The following TMEM168 variants were observed in gnomAD, a reference collection of about 807,000 sequenced individuals.
The protein encoded by TMEM168 is transmembrane protein 168.
A neutral mutation model predicts 53.2 loss-of-function variants in TMEM168; 40 were observed. The observed-to-expected ratio is 0.75, with a 90% CI of 0.58 to 0.98. The LOEUF is 0.98. Among genes scored for constraint, TMEM168 ranks in the 50% least tolerant of loss-of-function variants. The probability of loss-of-function intolerance (pLI) is 0.00; values close to 1 mark genes in which losing one functional copy is unlikely to be tolerated. For synonymous variants in TMEM168, 282 were observed against 293.0 expected, an observed-to-expected ratio of 0.96 and a Z score of 0.38; for missense variants, 771 against 828.8, an observed-to-expected ratio of 0.93 and a Z score of 0.86.
intron 1 of TMEM168, chr7:112,788,418 T>G (rs1432268613): frequency 6.6e-6 from 1 of 152,160 alleles, no homozygotes; most frequent in African/African-American, 2.4e-5. Flanking sequence ...ATTAGTGAAG[T>G]ACAGTGCATC....
At chr7:112,775,112 A>G in intron 3 of TMEM168, 64 bp downstream of exon 3, 1 of 1,344,682 alleles carries the variant, frequency 7.4e-7, no homozygotes, top group Non-Finnish European at 9.9e-7. Flanking sequence ...TATTTTATTC[A>G]TATAAATATT....
intron 2 of TMEM168, among the ~76,000 whole-genome samples, chr7:112,779,998 A>C (rs1422545247): frequency 6.6e-6 from 1 of 152,236 alleles, no homozygotes; most frequent in Middle Eastern, 3.2e-3. Flanking sequence ...TGAGAAATCC[A>C]GCTTTAAGAA....
Position 112,783,863 on chromosome 7 carries a change from G to GGTAT in TMEM168, c.959_962dup (p.Lys322TyrfsTer5). On this transcript the variant is annotated frameshift_variant, in exon 2 of 5. Transcript: ENST00000312814. LOFTEE classifies it high-confidence loss of function. Reference sequence around the variant, plus strand: ...ATACTTTATGGCAGTCATTTAATTTGGTATGGAATCCCCAAAGAGTTAAAA... The same window carrying GGTAT: ...ATACTTTATGGCAGTCATTTAATTTGGTATGTATGGAATCCCCAAAGAGTTAAAA... The GGTAT allele has an allele frequency of 6.2e-7, 1 of 1,603,550 alleles. No homozygotes were observed. The highest frequency in any genetic ancestry group is 8.5e-7 in the Non-Finnish European group (1 of 1,176,904).
chr7:112,779,806 C>T (rs1438660416), intron 2 of TMEM168, among the ~76,000 whole-genome samples: 8 of 152,166 alleles, frequency 5.3e-5, no homozygotes, highest in Admixed American at 5.2e-4. Context: ...TTTCTTTATG[C>T]AATGTCATTT....
intron 4 of TMEM168, among the ~76,000 whole-genome samples, chr7:112,770,104 T>G (rs528590462): frequency 4.9e-4 from 75 of 152,348 alleles, no homozygotes; most frequent in African/African-American, 1.8e-3. Context: ...CTTTGTCACT[T>G]AATTTGGAAT....
intron 2 of TMEM168, chr7:112,778,658 GTCAA>G (rs778669685): frequency 2.6e-5 from 4 of 152,110 alleles, no homozygotes; most frequent in South Asian, 2.1e-4. Context: ...AAGTTCAATT[GTCAA>G]TCAATTTGTA....
At chr7:112,787,603 C>T (rs892617690) in intron 1 of TMEM168, among the ~76,000 whole-genome samples, 8 of 150,872 alleles carry the variant, frequency 5.3e-5, no homozygotes, top group Admixed American at 2.0e-4. Context: ...TTAGTAGAGA[C>T]GGGGTTTCAC....
At chr7:112,779,045 C>T (rs537598178) in intron 2 of TMEM168, among the ~76,000 whole-genome samples, 1 of 152,058 alleles carries the variant, frequency 6.6e-6, no homozygotes, top group East Asian at 1.9e-4. Flanking sequence ...ACATGCACCA[C>T]CATGCCTGGC....
chr7:112,769,200 A>C (rs1038150524), intron 4 of TMEM168, among the ~76,000 whole-genome samples: 4 of 152,166 alleles, frequency 2.6e-5, no homozygotes, highest in African/African-American at 9.7e-5. Flanking sequence ...TGTTTTATTA[A>C]TCAGTAAGCT....
At chr7:112,782,228 G>A (rs1430787688) in intron 2 of TMEM168, among the ~76,000 whole-genome samples, 1 of 152,168 alleles carries the variant, frequency 6.6e-6, no homozygotes, top group African/African-American at 2.4e-5. Context: ...AGAATGGAAG[G>A]TGAGAATCAG....
chr7:112,784,929 T>G lies in TMEM168; in HGVS notation c.-104A>C. The G allele has an allele frequency of 4.8e-6, 5 of 1,050,138 alleles. No individual in the cohort carries two copies. The highest frequency in any genetic ancestry group is 2.8e-5 in the East Asian group (1 of 35,384). The allele number at this position is 1,050,138 out of a possible 1,614,324, so 65.1% of individuals were successfully genotyped here. A position where few individuals can be genotyped will look rare whatever the true frequency, so the allele number is the denominator to read the frequency against. ...GCAACTCCTATTTCAACATTTTCTC[T>G]TGTGGAAATTTTGTTTATAGTGATC... On this transcript the variant is annotated 5_prime_UTR_variant, in exon 2 of 5. Transcript: ENST00000312814.
intron 2 of TMEM168, among the ~76,000 whole-genome samples, chr7:112,775,839 T>C (rs2116257933): frequency 6.6e-6 from 1 of 152,242 alleles, no homozygotes; most frequent in African/African-American, 2.4e-5. Flanking sequence ...GTTTATATGG[T>C]ATAGTTTACC....
At position 112,767,357 on chromosome 7, in the gene TMEM168, C is replaced by G; in HGVS notation, c.1934G>C (p.Arg645Pro). 1 of 1,614,156 alleles carries G rather than the reference C, an allele frequency of 6.2e-7. No homozygotes were observed. The highest frequency in any genetic ancestry group is 1.1e-5 in the South Asian group (1 of 91,078). ...CAAATGCACTAGGGGATATGTAATA[C>G]GAGGAAAGTGTAACATCCAGTGCTT... ...VAKHWMLHFP[R>P]ITYPLVHLAN... is the part of the protein sequence containing the mutation. The change falls in exon 5 of 5, where the codon CGT becomes CCT. Residue 645 changes from arginine to proline, a missense_variant. Transcript: ENST00000312814.
Position 112,764,122 on chromosome 7 carries a change from TATAATA to T in TMEM168, c.*3069_*3074del, listed in dbSNP as rs1267002173. On this transcript the variant is annotated 3_prime_UTR_variant, in exon 5 of 5. Transcript: ENST00000312814. ...TGCACATGTACCCTAAAACTTAAAGTATAATAATAATAAAATTAAAATAAATAAATA... is the reference window on the plus strand; with the variant it reads ...TGCACATGTACCCTAAAACTTAAAGTATAATAAAATTAAAATAAATAAATA... 1 of 146,544 alleles carries T rather than the reference TATAATA, an allele frequency of 6.8e-6. No homozygotes were observed. The highest frequency in any genetic ancestry group is 2.5e-5 in the African/African-American group (1 of 40,260). 9.1% of individuals were successfully genotyped at this position (146,544 alleles called of 1,614,324 possible). A position where few individuals can be genotyped will look rare whatever the true frequency, so the allele number is the denominator to read the frequency against.
In TMEM168 at chr7:112,766,600, G is replaced by A. The variant is rs1202002800; in HGVS notation, c.*597C>T. 3 of 152,682 alleles carry A rather than the reference G, an allele frequency of 2.0e-5. No individual in the cohort carries two copies. Among genetic ancestry groups the A allele is most frequent in the Non-Finnish European group, 2.9e-5 (2 of 68,084 alleles). 9.5% of individuals were successfully genotyped at this position (152,682 alleles called of 1,614,324 possible). A position where few individuals can be genotyped will look rare whatever the true frequency, so the allele number is the denominator to read the frequency against. On this transcript the variant is annotated 3_prime_UTR_variant, in exon 5 of 5. Transcript: ENST00000312814. ...CATAAAGAATATTTTGATCTAAAAT[G>A]TAACTTGGGTTCTCTGCCACACTGG...
rs1285217711 is a variant in TMEM168, at chr7:112,790,381, C to A, written c.-350G>T. The A allele has an allele frequency of 6.6e-6, 1 of 152,308 alleles. No individual in the cohort carries two copies. The highest frequency in any genetic ancestry group is 1.5e-5 in the Non-Finnish European group (1 of 68,094). 9.4% of individuals were successfully genotyped at this position (152,308 alleles called of 1,614,324 possible). On this transcript the variant is annotated 5_prime_UTR_variant, in exon 1 of 5. Coordinates refer to ENST00000312814, the MANE Select transcript of TMEM168 (RefSeq NM_022484.6). ...CCGGCCGCGACCGCCATGTTTCCGCCGCCGAAATCCGCGACGGTACGGAAC... is the reference window on the plus strand; with the variant it reads ...CCGGCCGCGACCGCCATGTTTCCGCAGCCGAAATCCGCGACGGTACGGAAC...
intron 2 of TMEM168, among the ~76,000 whole-genome samples, chr7:112,781,524 A>G (rs529726445): frequency 4.6e-5 from 7 of 152,324 alleles, no homozygotes; most frequent in Admixed American, 3.9e-4. Flanking sequence ...AAAACATCTC[A>G]CCAGATGGCA....
rs989407334 is a variant in TMEM168 at position 112,774,445 on chromosome 7, C to G, written c.1271+731G>C. On this transcript the variant is annotated intron_variant, in intron 3 of 4. Transcript: ENST00000312814. Reference sequence around the variant, plus strand: ...GAGTTATCACTATATACATTTTAGGCAAAGACAGATAATAAGGTTCAGAGT... The same window carrying G: ...GAGTTATCACTATATACATTTTAGGGAAAGACAGATAATAAGGTTCAGAGT... Among the ~76,000 whole-genome samples the G allele has an allele frequency of 2.1e-5, 3 of 145,062 alleles. No individual in the cohort carries two copies. The East Asian group carries it at 6.2e-4, about 30-fold the overall frequency.
At chr7:112,775,919 A>G (rs991171081) in intron 2 of TMEM168, among the ~76,000 whole-genome samples, 1 of 151,956 alleles carries the variant, frequency 6.6e-6, no homozygotes, top group Admixed American at 6.6e-5. Flanking sequence ...GAGGACACGT[A>G]AGCATTGTAA....
Sources: allele counts gnomAD v4.1 joint callset (sites outside exome capture counted in the v4.1 genomes callset), GRCh38; gene constraint gnomAD v4.1.1; transcripts MANE v1.5; gene names NCBI Gene and HGNC (gene_info 2026-07-23, HGNC 2026-07-21).